The following LRFN2 variants were observed in gnomAD, a reference collection of about 807,000 sequenced individuals.
LRFN2 encodes leucine rich repeat and fibronectin type III domain containing 2.
A neutral mutation model predicts 37.3 loss-of-function variants in LRFN2; 18 were observed. The ratio of observed to expected loss-of-function variants is 0.48; its 90% CI spans 0.33 to 0.72. The LOEUF (loss-of-function observed/expected upper bound fraction) is 0.72. Among genes scored for constraint, LRFN2 ranks in the 30% least tolerant of loss-of-function variants. The probability of loss-of-function intolerance (pLI) is 0.02; values close to 1 mark genes in which losing one functional copy is unlikely to be tolerated. For synonymous variants in LRFN2, 556 were observed against 466.6 expected (o/e 1.19, Z -2.47); for missense variants, 1,006 against 1,060.7 (o/e 0.95, Z 0.72).
chr6:40,513,417 A>G (rs1221108324), intron 1 of LRFN2, among the ~76,000 whole-genome samples: 1 of 152,056 alleles, frequency 6.6e-6, no homozygotes, highest in Non-Finnish European at 1.5e-5. Flanking sequence ...TGTTTTTAGT[A>G]GAGACGGGGT....
intron 2 of LRFN2, among the ~76,000 whole-genome samples, chr6:40,413,435 G>A (rs1197785518): frequency 6.6e-6 from 1 of 152,144 alleles, no homozygotes; most frequent in Non-Finnish European, 1.5e-5. Flanking sequence ...CAGTAGCTCT[G>A]GGGGGATGAT....
At chr6:40,522,512 C>G (rs1766109942) in intron 1 of LRFN2, among the ~76,000 whole-genome samples, 1 of 152,178 alleles carries the variant, frequency 6.6e-6, no homozygotes, top group South Asian at 2.1e-4. Context: ...TGTCTGCACA[C>G]AGCTCTAAGA....
At chr6:40,445,631 A>G in intron 1 of LRFN2, among the ~76,000 whole-genome samples, 1 of 152,194 alleles carries the variant, frequency 6.6e-6, no homozygotes, top group East Asian at 1.9e-4. Context: ...GTGGACAATT[A>G]CAGAAACCTT....
intron 1 of LRFN2, among the ~76,000 whole-genome samples, chr6:40,525,658 C>T (rs1359489874): frequency 6.6e-6 from 1 of 152,196 alleles, no homozygotes; most frequent in Non-Finnish European, 1.5e-5. Context: ...CCCTTTGCCC[C>T]TCAGTTCCTG....
intron 1 of LRFN2, among the ~76,000 whole-genome samples, chr6:40,483,825 C>A (rs1369386299): frequency 6.6e-6 from 1 of 152,100 alleles, no homozygotes; most frequent in Non-Finnish European, 1.5e-5. Flanking sequence ...ACATTATATC[C>A]CAAATCCCCC....
At chr6:40,412,019 C>A (rs1214232100) in intron 2 of LRFN2, among the ~76,000 whole-genome samples, 1 of 152,178 alleles carries the variant, frequency 6.6e-6, no homozygotes, top group Non-Finnish European at 1.5e-5. Context: ...GGGGAGGAGA[C>A]AGAAGCCATC....
intron 2 of LRFN2, among the ~76,000 whole-genome samples, chr6:40,396,693 T>TGTGTGTGTGTGTGC (rs1762621492): frequency 4.1e-5 from 2 of 48,958 alleles, no homozygotes; most frequent in African/African-American, 1.3e-4. Context: ...GCTCTGTGTG[T>TGTGTGTGTGTGTGC]GTGTGTGTGT....
intron 1 of LRFN2, among the ~76,000 whole-genome samples, chr6:40,488,963 G>A (rs1326908921): frequency 6.6e-6 from 1 of 152,176 alleles, no homozygotes; most frequent in Non-Finnish European, 1.5e-5. Context: ...GAGTTGAACC[G>A]ATAATGTTGA....
At position 40,584,785 on chromosome 6, in the gene LRFN2, G is replaced by A. The variant is rs116193877; in HGVS notation, c.-19+2156C>T. On this transcript the variant is annotated intron_variant, in intron 1 of 2. Coordinates refer to ENST00000338305, the MANE Select transcript of LRFN2 (RefSeq NM_020737.3). ...CAACCCCACAGGCTGAAGAGGCTTG[G>A]CAAACTGGCACTTGGAGGCCAGAAT... Among the ~76,000 whole-genome samples, 508 of 151,396 alleles carry A rather than the reference G, an allele frequency of 3.4e-3. 3 individuals are homozygous for A. Among genetic ancestry groups the A allele is most frequent in the African/African-American group, 0.012 (485 of 41,262 alleles).
chr6:40,573,475 G>T (rs1378582543), intron 1 of LRFN2, among the ~76,000 whole-genome samples: 1 of 152,194 alleles, frequency 6.6e-6, no homozygotes, highest in Non-Finnish European at 1.5e-5. Flanking sequence ...AGAATGAAAT[G>T]GGACAGCATC....
intron 2 of LRFN2, among the ~76,000 whole-genome samples, chr6:40,425,351 T>C (rs1426478737): frequency 6.6e-6 from 1 of 152,194 alleles, no homozygotes; most frequent in African/African-American, 2.4e-5. Context: ...TTCCCCTGGC[T>C]CTCCTGGGGA....
At chr6:40,586,049 C>CT (rs1767497451) in intron 1 of LRFN2, among the ~76,000 whole-genome samples, 1 of 152,206 alleles carries the variant, frequency 6.6e-6, no homozygotes, top group Admixed American at 6.5e-5. Flanking sequence ...GCGGTCTCCA[C>CT]TCAGGCTCTC....
At chr6:40,517,932 G>A (rs1270676867) in intron 1 of LRFN2, among the ~76,000 whole-genome samples, 1 of 152,132 alleles carries the variant, frequency 6.6e-6, no homozygotes, top group Non-Finnish European at 1.5e-5. Context: ...GGCAGATCAG[G>A]CCTGTTTTCC....
chr6:40,476,717 A>G (rs1031092759), intron 1 of LRFN2, among the ~76,000 whole-genome samples: 4 of 152,244 alleles, frequency 2.6e-5, no homozygotes, highest in African/African-American at 9.6e-5. Flanking sequence ...TGGGAAGAGG[A>G]TACAATGCCT....
intron 1 of LRFN2, among the ~76,000 whole-genome samples, chr6:40,548,852 CA>C (rs1329440407): frequency 6.6e-6 from 1 of 152,188 alleles, no homozygotes; most frequent in Non-Finnish European, 1.5e-5. Context: ...AGCCTAAGGA[CA>C]AAACCAGTTC....
At position 40,459,848 on chromosome 6, in the gene LRFN2, G is replaced by A. The variant is rs1278192263; in HGVS notation, c.-18-26717C>T. Among the ~76,000 whole-genome samples the A allele has an allele frequency of 3.3e-5, 5 of 152,190 alleles. No individual in the cohort carries two copies. In the South Asian group the frequency reaches 6.2e-4, roughly 19 times the overall value. ...GGCTAGGGGCCTCATACATTATTTC[G>A]CCTAATTCTTATATCAACTCTATGA... is the stretch of plus-strand genomic sequence containing the variant. On this transcript the variant is annotated intron_variant, in intron 1 of 2. Coordinates refer to ENST00000338305, the MANE Select transcript of LRFN2 (RefSeq NM_020737.3).
intron 1 of LRFN2, among the ~76,000 whole-genome samples, chr6:40,553,520 C>T (rs1393323355): frequency 6.6e-6 from 1 of 152,146 alleles, no homozygotes; most frequent in South Asian, 2.1e-4. Flanking sequence ...TCTGGACACT[C>T]CATTTGTAAA....
rs1418725434 is a variant in LRFN2, at chr6:40,391,663, G to C, written c.*280C>G. ...AGCAATCCAAAGCCGCTTGCTTGTA[G>C]GCTACATTTGTGATTAGAAAGGCGG... On this transcript the variant is annotated 3_prime_UTR_variant, in exon 3 of 3. Transcript: ENST00000338305. The C allele has an allele frequency of 2.9e-6, 1 of 349,522 alleles. No homozygotes were observed. Among genetic ancestry groups the C allele is most frequent in the East Asian group, 4.5e-5 (1 of 21,996 alleles). 21.7% of individuals were successfully genotyped at this position (349,522 alleles called of 1,614,324 possible). A position where few individuals can be genotyped will look rare whatever the true frequency, so the allele number is the denominator to read the frequency against.
At chr6:40,397,784 A>G (rs1762645884) in intron 2 of LRFN2, among the ~76,000 whole-genome samples, 2 of 147,256 alleles carry the variant, frequency 1.4e-5, no homozygotes, top group South Asian at 4.2e-4. Context: ...ATAGCAGCCA[A>G]GAGCCGAGGT....
Sources: allele counts gnomAD v4.1 joint callset (sites outside exome capture counted in the v4.1 genomes callset), GRCh38; gene constraint gnomAD v4.1.1; transcripts MANE v1.5; gene names NCBI Gene and HGNC (gene_info 2026-07-23, HGNC 2026-07-21).